The following SLC13A3 variants were observed in gnomAD, a reference collection of about 807,000 sequenced individuals.
The protein encoded by SLC13A3 is Na(+)/dicarboxylate cotransporter 3.
Under a neutral mutation model 59.0 loss-of-function variants are expected in SLC13A3, and 40 were observed. That is an observed-to-expected ratio of 0.68 (90% CI 0.53 to 0.88). The LOEUF (loss-of-function observed/expected upper bound fraction) is 0.88. Ranked by LOEUF, SLC13A3 falls within the 40% of genes least tolerant of loss-of-function variation. The pLI, the probability that SLC13A3 is intolerant of heterozygous loss-of-function variation, is 0.00. For synonymous variants in SLC13A3, 317 were observed against 330.3 expected (o/e 0.96, Z 0.44); for missense variants, 699 against 783.2 (o/e 0.89, Z 1.28).
At chr20:46,605,379 G>A (rs1419065557) in intron 3 of SLC13A3, among the ~76,000 whole-genome samples, 1 of 152,082 alleles carries the variant, frequency 6.6e-6, no homozygotes, top group Non-Finnish European at 1.5e-5. Flanking sequence ...AGACCACATG[G>A]AAACAGGCCA....
intron 1 of SLC13A3, among the ~76,000 whole-genome samples, chr20:46,661,606 T>C (rs1270106851): frequency 6.6e-6 from 1 of 152,214 alleles, no homozygotes; most frequent in African/African-American, 2.4e-5. Context: ...TGAGTTCTCT[T>C]TGTTCTCAAA....
intron 1 of SLC13A3, among the ~76,000 whole-genome samples, chr20:46,640,229 G>A (rs1378489033): frequency 1.3e-5 from 2 of 152,106 alleles, no homozygotes; most frequent in African/African-American, 2.4e-5. Context: ...CCCAGGTGTC[G>A]GCACTTTCTT....
chr20:46,647,688 C>T (rs1268337597), intron 1 of SLC13A3, among the ~76,000 whole-genome samples: 1 of 152,184 alleles, frequency 6.6e-6, no homozygotes, highest in Non-Finnish European at 1.5e-5. Flanking sequence ...TCCAGCTCTG[C>T]TCTGCAGATT....
chr20:46,586,678 T>C (rs890938987), intron 8 of SLC13A3, among the ~76,000 whole-genome samples: 3 of 152,168 alleles, frequency 2.0e-5, no homozygotes, highest in African/African-American at 2.4e-5. Context: ...TCCATGCAGG[T>C]ACTCCTTTCA....
At chr20:46,645,522 C>T (rs998216821) in intron 1 of SLC13A3, among the ~76,000 whole-genome samples, 3 of 152,208 alleles carry the variant, frequency 2.0e-5, no homozygotes, top group African/African-American at 7.2e-5. Context: ...AGACACGCTT[C>T]CAGGCTATGG....
chr20:46,657,648 T>TA (rs2063003309), intron 1 of SLC13A3, among the ~76,000 whole-genome samples: 3 of 151,948 alleles, frequency 2.0e-5, no homozygotes, highest in African/African-American at 7.3e-5. Context: ...TATAAAGAAA[T>TA]ATGTGAGGCT....
intron 10 of SLC13A3, among the ~76,000 whole-genome samples, chr20:46,575,100 C>T (rs544095702): frequency 1.3e-5 from 2 of 152,076 alleles, no homozygotes; most frequent in African/African-American, 2.4e-5. Flanking sequence ...GTGTTGGCAC[C>T]ACTGCACTCC....
chr20:46,675,855 T>A (rs1452160569), intron 1 of SLC13A3: 1 of 152,258 alleles, frequency 6.6e-6, no homozygotes, highest in African/African-American at 2.4e-5. Flanking sequence ...AGGCAAAAGA[T>A]CACATGGCCT....
chr20:46,659,716 C>CG (rs918352605), intron 1 of SLC13A3, among the ~76,000 whole-genome samples: 1 of 148,410 alleles, frequency 6.7e-6, no homozygotes, highest in African/African-American at 2.5e-5. Context: ...ACCCTATCCC[C>CG]CCCCCCCAAA....
chr20:46,633,461 T>C (rs1300800295), intron 1 of SLC13A3, among the ~76,000 whole-genome samples: 1 of 152,210 alleles, frequency 6.6e-6, no homozygotes, highest in Non-Finnish European at 1.5e-5. Context: ...CCATCCGTAA[T>C]TTCGGATGCA....
chr20:46,660,933 T>C (rs2063025975), intron 1 of SLC13A3, among the ~76,000 whole-genome samples: 1 of 152,218 alleles, frequency 6.6e-6, no homozygotes, highest in South Asian at 2.1e-4. Flanking sequence ...TAAGTCTTCA[T>C]TTCTGATGTA....
chr20:46,626,892 C>G lies in SLC13A3; in HGVS notation c.112-13167G>C, dbSNP rs962547745. Reference sequence around the variant, plus strand: ...TCCCTCTGCCTGGCCCTCTTGACCCCACGCACCCCCTTCTATCTCTGGCTG... The same window carrying G: ...TCCCTCTGCCTGGCCCTCTTGACCCGACGCACCCCCTTCTATCTCTGGCTG... On this transcript the variant is annotated intron_variant, in intron 1 of 12. Coordinates refer to ENST00000279027, the MANE Select transcript of SLC13A3 (RefSeq NM_022829.6). 6.0e-5 allele frequency among the ~76,000 whole-genome samples: 8 copies of G among 133,338 alleles called. No individual in the cohort carries two copies. In the South Asian group the frequency reaches 1.6e-3, roughly 26 times the overall value. The allele number at this position is 133,338 out of a possible 152,430, so 87.5% of individuals were successfully genotyped here. A position where few individuals can be genotyped will look rare whatever the true frequency, so the allele number is the denominator to read the frequency against.
In SLC13A3 at chr20:46,596,253, C is replaced by T; in HGVS notation, c.698G>A (p.Gly233Asp). Residue 233 changes from glycine (G) to aspartate (D), a missense_variant, in exon 5 of 13, where the codon GGC becomes GAC. By Grantham distance (94) the Gly-to-Asp change is moderately conservative (BLOSUM62 -1). Transcript: ENST00000279027. ...TGAGTAGGGGATGGAGATGAGGAAG[C>T]CCTTCCAGATGTTCCGACGATATTC... is the stretch of plus-strand genomic sequence containing the variant. ...EDEYRRNIWK[G>D]FLISIPYSAS... is the part of the protein sequence containing the mutation. The T allele has an allele frequency of 6.2e-7, 1 of 1,614,170 alleles. No individual in the cohort carries two copies. Among genetic ancestry groups the T allele is most frequent in the Non-Finnish European group, 8.5e-7 (1 of 1,180,030 alleles).
At chr20:46,571,352 A>AT (rs1260960239) in intron 10 of SLC13A3, among the ~76,000 whole-genome samples, 1 of 152,180 alleles carries the variant, frequency 6.6e-6, no homozygotes, top group Non-Finnish European at 1.5e-5. Flanking sequence ...ACCGCAACAT[A>AT]TTTGTAAGTA....
At chr20:46,624,211 A>C (rs1305253230) in intron 1 of SLC13A3, among the ~76,000 whole-genome samples, 1 of 152,206 alleles carries the variant, frequency 6.6e-6, no homozygotes, top group Non-Finnish European at 1.5e-5. Flanking sequence ...TTTCTCCAGA[A>C]AATAACCTAT....
intron 1 of SLC13A3, among the ~76,000 whole-genome samples, chr20:46,615,130 T>C (rs1220407223): frequency 1.3e-5 from 2 of 152,246 alleles, no homozygotes; most frequent in African/African-American, 4.8e-5. Flanking sequence ...TCCTATTATT[T>C]GCATGATCAC....
At chr20:46,582,699 C>G in intron 9 of SLC13A3, 1 of 985,308 alleles carries the variant, frequency 1.0e-6, no homozygotes, top group Non-Finnish European at 1.2e-6. Context: ...CACACTCAAA[C>G]CCTGACTCTT....
chr20:46,620,151 T>C (rs1266599155), intron 1 of SLC13A3, among the ~76,000 whole-genome samples: 1 of 152,226 alleles, frequency 6.6e-6, no homozygotes, highest in Non-Finnish European at 1.5e-5. Flanking sequence ...AGAACATTTA[T>C]TGAATGTTAC....
intron 1 of SLC13A3, among the ~76,000 whole-genome samples, chr20:46,627,518 C>T (rs1261190859): frequency 6.6e-6 from 1 of 152,080 alleles, no homozygotes; most frequent in East Asian, 1.9e-4. Flanking sequence ...GAATGTGGGT[C>T]CCGTGATGCC....
Sources: allele counts gnomAD v4.1 joint callset (sites outside exome capture counted in the v4.1 genomes callset), GRCh38; gene constraint gnomAD v4.1.1; transcripts MANE v1.5; gene names NCBI Gene and HGNC (gene_info 2026-07-23, HGNC 2026-07-21).